The following UBR2 variants were observed in gnomAD, a reference collection of about 807,000 sequenced individuals.
UBR2 encodes E3 ubiquitin-protein ligase UBR2.
Under a neutral mutation model 247.9 loss-of-function variants are expected in UBR2, and 92 were observed. The ratio of observed to expected loss-of-function variants is 0.37; its 90% CI spans 0.31 to 0.44. UBR2 has a LOEUF of 0.44. Among genes scored for constraint, UBR2 ranks in the 20% least tolerant of loss-of-function variants. The pLI, the probability that UBR2 is intolerant of heterozygous loss-of-function variation, is 1.00. For missense variants in UBR2, 1,613 were observed against 2,112.6 expected (o/e 0.76, Z 4.64); for synonymous variants, 672 against 693.5 (o/e 0.97, Z 0.49).
At chr6:42,615,281 GCTT>G (rs1794470772) in intron 9 of UBR2, 103 bp downstream of exon 9, 1 of 840,214 alleles carries the variant, frequency 1.2e-6, no homozygotes, top group African/African-American at 1.8e-5. Context: ...ATATATTTGT[GCTT>G]CTTAAAATTA....
intron 40 of UBR2, among the ~76,000 whole-genome samples, chr6:42,678,085 C>T (rs1419617262): frequency 1.3e-5 from 2 of 151,754 alleles, no homozygotes; most frequent in African/African-American, 2.4e-5. Flanking sequence ...ACCTGTAATC[C>T]CAGCACTTTG....
Position 42,691,256 on chromosome 6 carries a change from G to T in UBR2, c.*83G>T. The T allele has an allele frequency of 6.5e-7, 1 of 1,549,808 alleles. No homozygotes were observed. Among genetic ancestry groups the T allele is most frequent in the Non-Finnish European group, 8.7e-7 (1 of 1,143,538 alleles). On this transcript the variant is annotated 3_prime_UTR_variant, in exon 47 of 47. Coordinates refer to ENST00000372901, the MANE Select transcript of UBR2 (RefSeq NM_001363705.2). ...GAAAGAAAGAAGTTCTGCTGAATTT[G>T]GAAATAAATTCTTTATTTAAACTTT...
chr6:42,603,553 T>C (rs781267478), intron 4 of UBR2, 35 bp from the exon 5 acceptor site: 2 of 1,514,140 alleles, frequency 1.3e-6, no homozygotes, highest in Non-Finnish European at 1.8e-6. Flanking sequence ...ATTGCCCTTT[T>C]TTTCTTTTTC....
rs202134787 is a variant in UBR2, at chr6:42,573,721, T to C, written c.79-13T>C. 274 of 1,500,158 alleles carry C rather than the reference T, an allele frequency of 1.8e-4. 1 individual carries two copies. The East Asian group carries it at 6.1e-3, about 33-fold the overall frequency. 92.9% of individuals were successfully genotyped at this position (1,500,158 alleles called of 1,614,324 possible). ...GTGTTTAAAACCATTTCTTCTCTTTTCTTCTTTTAAAGAAATGGCTGCAAG... is the reference window on the plus strand; with the variant it reads ...GTGTTTAAAACCATTTCTTCTCTTTCCTTCTTTTAAAGAAATGGCTGCAAG... On this transcript the variant is annotated splice_polypyrimidine_tract_variant and intron_variant, in intron 1 of 46. Transcript: ENST00000372901.
chr6:42,628,214 G>A (rs1795473965), intron 11 of UBR2, among the ~76,000 whole-genome samples: 1 of 151,610 alleles, frequency 6.6e-6, no homozygotes, highest in Non-Finnish European at 1.5e-5. Flanking sequence ...TGTTCTTGTT[G>A]GAAATGTTGG....
At chr6:42,666,988 G>A (rs7763559) in intron 34 of UBR2, among the ~76,000 whole-genome samples, 22,496 of 152,070 alleles carry the variant, frequency 0.15, 2,004 homozygotes, top group African/African-American at 0.24. Flanking sequence ...CATAATGTAC[G>A]TAGAGCTACC....
At chr6:42,670,767 G>A (rs1798379024) in intron 36 of UBR2, 52 bp downstream of exon 36, 1 of 1,445,838 alleles carries the variant, frequency 6.9e-7, no homozygotes, top group East Asian at 2.4e-5. Context: ...AAATTAGGTG[G>A]TTCTGCTGCT....
chr6:42,652,858 G>C (rs1228852225), intron 25 of UBR2, among the ~76,000 whole-genome samples: 3 of 152,082 alleles, frequency 2.0e-5, no homozygotes, highest in African/African-American at 7.2e-5. Context: ...GTCCCACTGG[G>C]CAGTTGTTCT....
rs370854350 is a variant in UBR2, at chr6:42,658,717, C to G, written c.3135C>G (p.Ile1045Met). The G allele has an allele frequency of 8.1e-6, 13 of 1,612,884 alleles. No individual in the cohort carries two copies. Among genetic ancestry groups the G allele is most frequent in the African/African-American group, 1.3e-5 (1 of 74,708 alleles). Residue 1045 changes from isoleucine to methionine, a missense_variant, in exon 29 of 47, where the codon ATC (isoleucine) becomes ATG (methionine). This residue lies in a region of UBR2 where 1,524 missense variants were observed against 1,967.3 expected (regional missense o/e 0.77). Transcript: ENST00000372901. ...TTGCCAGACTGCGCAGAGAAAAGAT[C>G]ATGGCTCAGATGTCTGAAATGCAGC... Reference protein sequence around the residue: ...AEIARLRREKIMAQMSEMQRH... With the variant: ...AEIARLRREKMMAQMSEMQRH...
chr6:42,593,514 A>G (rs1001106263), intron 3 of UBR2, among the ~76,000 whole-genome samples: 33 of 152,190 alleles, frequency 2.2e-4, no homozygotes, highest in Admixed American at 3.9e-4. Flanking sequence ...TCCTCATACT[A>G]TTTTAAGAAA....
At chr6:42,624,002 TCTTTC>T (rs1026677198) in intron 11 of UBR2, among the ~76,000 whole-genome samples, 10 of 152,362 alleles carry the variant, frequency 6.6e-5, no homozygotes, top group African/African-American at 2.4e-4. Flanking sequence ...GTGATAATTT[TCTTTC>T]CTTGTTATAG....
At chr6:42,627,580 C>T (rs779619945) in intron 11 of UBR2, among the ~76,000 whole-genome samples, 1 of 152,082 alleles carries the variant, frequency 6.6e-6, no homozygotes, top group Non-Finnish European at 1.5e-5. Flanking sequence ...CCACTGCAGC[C>T]TCGACCACCC....
At chr6:42,602,618 T>C (rs1793454977) in intron 4 of UBR2, among the ~76,000 whole-genome samples, 1 of 151,364 alleles carries the variant, frequency 6.6e-6, no homozygotes, top group African/African-American at 2.4e-5. Context: ...TGTGTGTGTG[T>C]GTGTGTGTAT....
In UBR2 at chr6:42,596,378, A is replaced by G. The variant is rs187690032; in HGVS notation, c.531+2074A>G. Reference sequence around the variant, plus strand: ...TTGACAAGGATATAGAGAAATTAGAACCCTTGTATATTGCTAGTGGAAATA... The same window carrying G: ...TTGACAAGGATATAGAGAAATTAGAGCCCTTGTATATTGCTAGTGGAAATA... On this transcript the variant is annotated intron_variant, in intron 4 of 46. Coordinates refer to ENST00000372901, the MANE Select transcript of UBR2 (RefSeq NM_001363705.2). Among the ~76,000 whole-genome samples the G allele has an allele frequency of 6.3e-3, 951 of 151,810 alleles. 5 individuals carry two copies. Among genetic ancestry groups the G allele is most frequent in the Non-Finnish European group, 0.011 (726 of 67,920 alleles).
At chr6:42,677,108 C>G (rs1220734105) in intron 40 of UBR2, among the ~76,000 whole-genome samples, 1 of 152,102 alleles carries the variant, frequency 6.6e-6, no homozygotes, top group East Asian at 1.9e-4. Context: ...GCTGTGGAAC[C>G]CTTCATTTGC....
chr6:42,612,157 C>CATTT lies in UBR2; in HGVS notation c.865-13_865-10dup. On this transcript the variant is annotated splice_polypyrimidine_tract_variant and intron_variant, in intron 7 of 46. Coordinates refer to ENST00000372901, the MANE Select transcript of UBR2 (RefSeq NM_001363705.2). ...TTTTAAGTTAATTTTTAAATCTTGC[C>CATTT]ATTTCTTTTTAAGAGAAATACCAGT... The CATTT allele has an allele frequency of 6.7e-7, 1 of 1,492,638 alleles. No homozygotes were observed. Among genetic ancestry groups the CATTT allele is most frequent in the Admixed American group, 1.8e-5 (1 of 54,510 alleles). The allele number at this position is 1,492,638 out of a possible 1,614,324, so 92.5% of individuals were successfully genotyped here. A position where few individuals can be genotyped will look rare whatever the true frequency, so the allele number is the denominator to read the frequency against.
chr6:42,686,906 C>T (rs1270932615), intron 44 of UBR2, among the ~76,000 whole-genome samples: 25 of 150,330 alleles, frequency 1.7e-4, no homozygotes, highest in African/African-American at 5.7e-4. Flanking sequence ...CGGGCAGAGG[C>T]GCTCCTCACA....
Position 42,676,181 on chromosome 6 carries a change from C to T in UBR2, c.4377C>T (p.Thr1459=), listed in dbSNP as rs1364635435. The T allele has an allele frequency of 6.3e-7, 1 of 1,596,044 alleles. No individual in the cohort carries two copies. Among genetic ancestry groups the T allele is most frequent in the Non-Finnish European group, 8.5e-7 (1 of 1,174,848 alleles). The change falls in exon 39 of 47, where the codon ACC becomes ACT. Residue 1459 remains threonine (T), a synonymous_variant. Transcript: ENST00000372901. ...CACACATCATACAGATCTTACTTAC[C>T]TCATGTACAGGTAACTCTTGCCTTT... ...TMAHIIQILL[T]SCTEENGMDQ...
chr6:42,662,669 C>A (rs1486922945), intron 31 of UBR2, among the ~76,000 whole-genome samples: 1 of 152,148 alleles, frequency 6.6e-6, no homozygotes, highest in Admixed American at 6.6e-5. Flanking sequence ...ATTGTAATGG[C>A]TCCCTGTGAT....
Sources: allele counts gnomAD v4.1 joint callset (sites outside exome capture counted in the v4.1 genomes callset), GRCh38; gene constraint gnomAD v4.1.1; regional missense constraint gnomAD v4.1.1; transcripts MANE v1.5; gene names NCBI Gene and HGNC (gene_info 2026-07-23, HGNC 2026-07-21).